GRM7: variants seen among roughly 807,000 people sequenced by gnomAD.
GRM7 encodes glutamate metabotropic receptor 7, also known as metabotropic glutamate receptor 7.
GRM7 carries 35 observed loss-of-function variants against 84.5 expected under a neutral mutation model. The observed-to-expected ratio is 0.41, with a 90% confidence interval of 0.32 to 0.55. GRM7 has a LOEUF of 0.55. Among genes scored for constraint, GRM7 ranks in the 20% least tolerant of loss-of-function variants. The probability of loss-of-function intolerance (pLI) is 0.19; values close to 1 mark genes in which losing one functional copy is unlikely to be tolerated. For missense variants in GRM7, 1,003 were observed against 1,194.6 expected (o/e 0.84, Z 2.36); for synonymous variants, 487 against 455.1 (o/e 1.07, Z -0.89).
chr3:7,388,128 T>C (rs1350369747), intron 4 of GRM7, among the ~76,000 whole-genome samples: 1 of 152,256 alleles, frequency 6.6e-6, no homozygotes. Flanking sequence ...CTACTTTTTG[T>C]ATGTTGATAT....
intron 1 of GRM7, among the ~76,000 whole-genome samples, chr3:6,970,275 C>T (rs484283): frequency 0.91 from 139,141 of 152,224 alleles, 63,695 homozygotes; most frequent in East Asian, 1. Flanking sequence ...TAATTAGAAG[C>T]TGCTAAACTA....
intron 6 of GRM7, among the ~76,000 whole-genome samples, chr3:7,460,099 TAA>T (rs71066013): frequency 0.35 from 17,069 of 49,350 alleles, 1,172 homozygotes; most frequent in Non-Finnish European, 0.41. Flanking sequence ...CTTAAAATAG[TAA>T]AAAAAAAAAA....
intron 9 of GRM7, among the ~76,000 whole-genome samples, chr3:7,718,274 A>G (rs1701833592): frequency 6.6e-6 from 1 of 152,192 alleles, no homozygotes; most frequent in African/African-American, 2.4e-5. Flanking sequence ...TTCATCAACC[A>G]TGCAATATAA....
At chr3:7,210,675 A>G (rs1696392080) in intron 2 of GRM7, among the ~76,000 whole-genome samples, 1 of 152,204 alleles carries the variant, frequency 6.6e-6, no homozygotes, top group Admixed American at 6.5e-5. Flanking sequence ...CTAAGCTGAT[A>G]TTCAGGATAA....
chr3:7,134,971 T>C (rs1693724981), intron 1 of GRM7, among the ~76,000 whole-genome samples: 2 of 152,054 alleles, frequency 1.3e-5, no homozygotes, highest in South Asian at 4.1e-4. Flanking sequence ...TTCAAGAAAA[T>C]GGTTACAAAC....
intron 9 of GRM7, among the ~76,000 whole-genome samples, chr3:7,713,006 A>T (rs2125166768): frequency 6.6e-6 from 1 of 152,084 alleles, no homozygotes; most frequent in East Asian, 1.9e-4. Context: ...GATGCCAATC[A>T]CTAGATTAGG....
chr3:7,128,798 A>C (rs1693490915), intron 1 of GRM7, among the ~76,000 whole-genome samples: 2 of 151,894 alleles, frequency 1.3e-5, no homozygotes, highest in Non-Finnish European at 2.9e-5. Flanking sequence ...GTAAGCCACC[A>C]CACCTGACCC....
intron 5 of GRM7, among the ~76,000 whole-genome samples, chr3:7,421,238 C>CAATTA (rs1696380727): frequency 6.6e-6 from 1 of 152,098 alleles, no homozygotes. Context: ...AGCATAGCGC[C>CAATTA]ACCTATGTTA....
intron 7 of GRM7, among the ~76,000 whole-genome samples, chr3:7,516,532 A>C (rs1341383086): frequency 1.3e-5 from 2 of 151,574 alleles, no homozygotes; most frequent in South Asian, 2.1e-4. Flanking sequence ...TAATTCTTAA[A>C]GAGAAATGGA....
At chr3:7,435,847 C>A (rs971429276) in intron 5 of GRM7, among the ~76,000 whole-genome samples, 3 of 144,464 alleles carry the variant, frequency 2.1e-5, no homozygotes, top group Admixed American at 1.4e-4. Context: ...GCCACCACAC[C>A]CATCTTTTTT....
Position 7,403,767 on chromosome 3 carries a change from G to A in GRM7, c.1034-11256G>A, listed in dbSNP as rs545386993. Among the ~76,000 whole-genome samples the A allele has an allele frequency of 4.0e-5, 6 of 150,270 alleles. No homozygotes were observed. The South Asian group carries it at 1.3e-3, about 31-fold the overall frequency. On this transcript the variant is annotated intron_variant, in intron 4 of 9. Coordinates refer to ENST00000357716, the MANE Select transcript of GRM7 (RefSeq NM_000844.4). Reference sequence around the variant, plus strand: ...TATGTGAATATATTTGTATATATAAGAATATACATGTGTATATATGTGAAT... The same window carrying A: ...TATGTGAATATATTTGTATATATAAAAATATACATGTGTATATATGTGAAT...
At chr3:7,056,209 G>A (rs960793398) in intron 1 of GRM7, among the ~76,000 whole-genome samples, 17 of 151,974 alleles carry the variant, frequency 1.1e-4, no homozygotes, top group African/African-American at 2.4e-4. Context: ...TTTCCCCAAC[G>A]CAGGGCTTCT....
At chr3:6,883,403 CAG>C (rs1288587832) in intron 1 of GRM7, among the ~76,000 whole-genome samples, 6 of 152,056 alleles carry the variant, frequency 3.9e-5, no homozygotes, top group Admixed American at 1.3e-4. Flanking sequence ...AGTTCAGACA[CAG>C]GGAGAAATCA....
chr3:7,366,060 G>T (rs1162263668), intron 4 of GRM7, among the ~76,000 whole-genome samples: 2 of 151,672 alleles, frequency 1.3e-5, no homozygotes, highest in Non-Finnish European at 3.0e-5. Flanking sequence ...TGGACTGTGA[G>T]ATCAAATTGT....
At chr3:7,363,369 C>G (rs1876616) in intron 4 of GRM7, among the ~76,000 whole-genome samples, 11,625 of 151,852 alleles carry the variant, frequency 0.077, 534 homozygotes, top group African/African-American at 0.13. Context: ...GAGATCAAGA[C>G]AAAACAAAGT....
chr3:7,618,176 G>T (rs1296594595), intron 8 of GRM7, among the ~76,000 whole-genome samples: 1 of 152,112 alleles, frequency 6.6e-6, no homozygotes, highest in Admixed American at 6.6e-5. Flanking sequence ...AGAGCCAAGA[G>T]CCAAAACTCC....
intron 2 of GRM7, among the ~76,000 whole-genome samples, chr3:7,272,162 G>A (rs986814225): frequency 2.0e-5 from 3 of 151,710 alleles, no homozygotes; most frequent in African/African-American, 4.8e-5. Flanking sequence ...CTCTCCCTCC[G>A]TAACCCCACC....
In GRM7 at chr3:7,629,902, T is replaced by C. The variant is rs112608653; in HGVS notation, c.2452-50147T>C. Among the ~76,000 whole-genome samples, 10 of 152,250 alleles carry C rather than the reference T, an allele frequency of 6.6e-5. 3 individuals are homozygous for C. Among genetic ancestry groups the C allele is most frequent in the African/African-American group, 2.4e-4 (10 of 41,556 alleles). ...ACCTTCGATTTATTCCCAGAACAGATAGCTAATAAGTAGGGAAAATTAAAA... is the reference window on the plus strand; with the variant it reads ...ACCTTCGATTTATTCCCAGAACAGACAGCTAATAAGTAGGGAAAATTAAAA... On this transcript the variant is annotated intron_variant, in intron 8 of 9. Coordinates refer to ENST00000357716, the MANE Select transcript of GRM7 (RefSeq NM_000844.4).
intron 5 of GRM7, among the ~76,000 whole-genome samples, chr3:7,432,762 A>G (rs767359248): frequency 6.6e-6 from 1 of 152,238 alleles, no homozygotes; most frequent in Admixed American, 6.5e-5. Flanking sequence ...CACTGAATGG[A>G]TGGGTTAAAA....
Sources: gnomAD v4.1 joint callset for allele counts (sites outside exome capture counted in the v4.1 genomes callset) on GRCh38, gnomAD v4.1.1 for gene constraint, MANE v1.5 for transcripts, NCBI Gene and HGNC (gene_info 2026-07-23, HGNC 2026-07-21) for gene names.